Variants in WDR48 observed in about 807,000 individuals in gnomAD.
WDR48 encodes WD repeat domain 48.
In WDR48, 22 loss-of-function variants were observed where a neutral mutation model predicts 94.0. That is an observed-to-expected ratio of 0.23 (90% CI 0.17 to 0.33). The LOEUF (loss-of-function observed/expected upper bound fraction) is 0.33, where lower values mean the gene tolerates loss of function less well. Among genes scored for constraint, WDR48 ranks in the 10% least tolerant of loss-of-function variants. The probability of loss-of-function intolerance (pLI) is 1.00; values close to 1 mark genes in which losing one functional copy is unlikely to be tolerated. For missense variants in WDR48, 541 were observed against 813.8 expected, an observed-to-expected ratio of 0.66 and a Z score of 4.08; for synonymous variants, 278 against 280.5, an observed-to-expected ratio of 0.99 and a Z score of 0.09.
chr3:39,072,092 T>A (rs1481281826), intron 7 of WDR48, among the ~76,000 whole-genome samples: 1 of 152,218 alleles, frequency 6.6e-6, no homozygotes, highest in Non-Finnish European at 1.5e-5. Flanking sequence ...GGCAGTAAGA[T>A]ACATATCTTA....
intron 11 of WDR48, among the ~76,000 whole-genome samples, chr3:39,082,038 A>G (rs2034562167): frequency 6.6e-6 from 1 of 152,184 alleles, no homozygotes; most frequent in South Asian, 2.1e-4. Context: ...TGTGCCAAAT[A>G]CTCGCCAAGT....
In WDR48 at chr3:39,069,761, G is replaced by C. The variant is rs1340710908; in HGVS notation, c.672+17G>C. 6.2e-7 allele frequency: 1 copy of C among 1,603,866 alleles called. No homozygotes were observed. The highest frequency in any genetic ancestry group is 8.5e-7 in the Non-Finnish European group (1 of 1,173,236). On this transcript the variant is annotated intron_variant, in intron 7 of 18. Coordinates refer to ENST00000302313, the MANE Select transcript of WDR48 (RefSeq NM_020839.4). Reference sequence around the variant, plus strand: ...GGCACGCAAGTATGCAGTTTCATTTGGGTGTTTACCTAATAACCTTGTTAG... The same window carrying C: ...GGCACGCAAGTATGCAGTTTCATTTCGGTGTTTACCTAATAACCTTGTTAG...
chr3:39,065,381 C>T (rs755589431), intron 2 of WDR48, among the ~76,000 whole-genome samples: 1 of 152,150 alleles, frequency 6.6e-6, no homozygotes, highest in African/African-American at 2.4e-5. Context: ...TTAGTGCACT[C>T]ATCAGACTCA....
At chr3:39,060,419 C>CGCATAT (rs1553656024) in intron 1 of WDR48, among the ~76,000 whole-genome samples, 2 of 147,772 alleles carry the variant, frequency 1.4e-5, no homozygotes, top group Non-Finnish European at 3.0e-5. Context: ...TGTGTGTGTG[C>CGCATAT]ATATATATAT....
In WDR48 at chr3:39,072,613, A is replaced by T. The variant is rs1048990190; in HGVS notation, c.673-2113A>T. ...AAAGAGCACCTGATTAGGGCTACAGACTATTCCACTAAATCTGATTTAGCA... is the reference window on the plus strand; with the variant it reads ...AAAGAGCACCTGATTAGGGCTACAGTCTATTCCACTAAATCTGATTTAGCA... On this transcript the variant is annotated intron_variant, in intron 7 of 18. Transcript: ENST00000302313. Among the ~76,000 whole-genome samples, 7 of 152,216 alleles carry T rather than the reference A, an allele frequency of 4.6e-5. No individual in the cohort carries two copies. The East Asian group carries it at 1.3e-3, about 29-fold the overall frequency.
intron 10 of WDR48, among the ~76,000 whole-genome samples, chr3:39,079,126 T>G (rs984184758): frequency 5.3e-5 from 8 of 152,212 alleles, no homozygotes; most frequent in African/African-American, 1.9e-4. Context: ...ATAAAGCCAG[T>G]AACCACTTCA....
At chr3:39,067,014 C>T (rs993836038) in intron 5 of WDR48, 139 bp downstream of exon 5, 25 of 960,614 alleles carry the variant, frequency 2.6e-5, no homozygotes, top group Non-Finnish European at 3.5e-5. Flanking sequence ...AGCGTTCTGG[C>T]CCCCAAGAGT....
In WDR48 at chr3:39,068,889, A is replaced by G. The variant is rs1446154977; in HGVS notation, c.570+30A>G. The G allele has an allele frequency of 2.0e-6, 3 of 1,494,188 alleles. No individual in the cohort carries two copies. The South Asian group carries it at 4.0e-5, about 20-fold the overall frequency. The allele number at this position is 1,494,188 out of a possible 1,614,324, so 92.6% of individuals were successfully genotyped here. The stretch of plus-strand genomic sequence containing the variant: ...GGAGGAGCTTATTTCTTTATTTAAA[A>G]AAAAAAATTATTTTTCACATACCTT... On this transcript the variant is annotated intron_variant, in intron 6 of 18. Transcript: ENST00000302313.
intron 7 of WDR48, among the ~76,000 whole-genome samples, chr3:39,071,232 G>A (rs530959980): frequency 2.0e-5 from 3 of 152,268 alleles, no homozygotes; most frequent in East Asian, 3.9e-4. Flanking sequence ...GAGAGTGTGT[G>A]TATATGTATA....
intron 1 of WDR48, among the ~76,000 whole-genome samples, chr3:39,061,233 A>G (rs1435528746): frequency 6.6e-6 from 1 of 152,000 alleles, no homozygotes; most frequent in East Asian, 1.9e-4. Context: ...ATTTCTCCTA[A>G]TGCTATCCCT....
intron 14 of WDR48, among the ~76,000 whole-genome samples, chr3:39,087,504 G>A (rs2034872060): frequency 6.6e-6 from 1 of 152,184 alleles, no homozygotes; most frequent in South Asian, 2.1e-4. Context: ...TATAGTTCCA[G>A]CTACTCAGGA....
chr3:39,068,676 A>C (rs2033758443), intron 5 of WDR48, 95 bp from the exon 6 acceptor site: 2 of 790,062 alleles, frequency 2.5e-6, no homozygotes, highest in Non-Finnish European at 4.2e-6. Context: ...TATAAAGATA[A>C]GATTTTCTAA....
At chr3:39,067,387 C>G (rs562418004) in intron 5 of WDR48, among the ~76,000 whole-genome samples, 1 of 152,242 alleles carries the variant, frequency 6.6e-6, no homozygotes, top group African/African-American at 2.4e-5. Context: ...TTAGAGCAGC[C>G]CTGAGGAATC....
intron 7 of WDR48, among the ~76,000 whole-genome samples, chr3:39,070,878 T>C (rs1413046151): frequency 6.6e-6 from 1 of 152,104 alleles, no homozygotes; most frequent in Non-Finnish European, 1.5e-5. Context: ...TTCCCCTTCC[T>C]GTGTCCATGT....
At chr3:39,091,772 A>G (rs1350816823) in intron 17 of WDR48, 71 bp downstream of exon 17, 2 of 1,289,980 alleles carry the variant, frequency 1.6e-6, no homozygotes, top group Non-Finnish European at 2.1e-6. Context: ...GATTGCTTTT[A>G]TAGCAAAGGA....
intron 9 of WDR48, 36 bp downstream of exon 9, chr3:39,077,249 C>G: frequency 1.2e-6 from 2 of 1,610,558 alleles, no homozygotes; most frequent in Non-Finnish European, 1.7e-6. Flanking sequence ...GGTTTATAAA[C>G]ATGTATTTTG....
intron 8 of WDR48, 141 bp from the exon 9 acceptor site, chr3:39,076,998 G>A: frequency 1.2e-6 from 1 of 818,120 alleles, no homozygotes. Flanking sequence ...ATTTTTCTGT[G>A]CATCCTTAGT....
rs1559604368 is a variant in WDR48, at chr3:39,066,760, C to A, written c.366C>A (p.Ala122=). 3.1e-6 allele frequency: 5 copies of A among 1,613,818 alleles called. No homozygotes were observed. The highest frequency in any genetic ancestry group is 2.5e-6 in the Non-Finnish European group (3 of 1,179,930). The change falls in exon 5 of 19, where the codon GCC becomes GCA. Residue 122 remains alanine (A), a synonymous_variant. Transcript: ENST00000302313. ...TTCTATTACAGGATTACGTAAAGGC[C>A]TTAGCATATGCCAAGGATAAAGAAC... ...TLRTHKDYVK[A]LAYAKDKELV...
chr3:39,079,983 G>A (rs1413881110), intron 11 of WDR48, among the ~76,000 whole-genome samples, 175 bp downstream of exon 11: 1 of 151,896 alleles, frequency 6.6e-6, no homozygotes, highest in African/African-American at 2.4e-5. Context: ...ATCTTTTTAA[G>A]TAAATAAACT....
Sources: gnomAD v4.1 joint callset for allele counts (sites outside exome capture counted in the v4.1 genomes callset) on GRCh38, gnomAD v4.1.1 for gene constraint, MANE v1.5 for transcripts, NCBI Gene and HGNC (gene_info 2026-07-23, HGNC 2026-07-21) for gene names.